The following TMEM39B variants were observed in gnomAD, a reference collection of about 807,000 sequenced individuals.
TMEM39B encodes transmembrane protein 39B.
In TMEM39B, 23 loss-of-function variants were observed where a neutral mutation model predicts 52.2. That is an observed-to-expected ratio of 0.44 (90% CI 0.32 to 0.62). The LOEUF is 0.62. Among genes scored for constraint, TMEM39B ranks in the 20% least tolerant of loss-of-function variants. TMEM39B has a pLI of 0.06. For synonymous variants in TMEM39B, 285 were observed against 264.0 expected (o/e 1.08, Z -0.77); for missense variants, 547 against 642.0 (o/e 0.85, Z 1.60).
Position 32,102,448 on chromosome 1 carries a change from C to G in TMEM39B, c.1254C>G (p.Pro418=), listed in dbSNP as rs1355787626. ...HFRFHFFFSK[P]LRILNILLLL... Reference sequence around the variant, plus strand: ...CCGGGCAGTTCTTTTTCAGCAAACCCCTGCGGATCCTCAACATCCTCCTGC... The same window carrying G: ...CCGGGCAGTTCTTTTTCAGCAAACCGCTGCGGATCCTCAACATCCTCCTGC... The change falls in exon 9 of 9, where the codon CCC becomes CCG. Residue 418 remains proline (P), a synonymous_variant. Coordinates refer to ENST00000336294, the MANE Select transcript of TMEM39B (RefSeq NM_018056.4). 1 of 1,613,904 alleles carries G rather than the reference C, an allele frequency of 6.2e-7. No individual in the cohort carries two copies. Among genetic ancestry groups the G allele is most frequent in the Non-Finnish European group, 8.5e-7 (1 of 1,179,892 alleles).
intron 6 of TMEM39B, among the ~76,000 whole-genome samples, chr1:32,094,518 C>A (rs1330628750): frequency 2.6e-5 from 4 of 152,094 alleles, no homozygotes; most frequent in African/African-American, 9.7e-5. Context: ...AGCAAAAGAG[C>A]CCAGATTTGA....
rs1423481352 is a variant in TMEM39B, at chr1:32,075,633, T to C, written c.162T>C (p.Pro54=). 12 of 1,551,456 alleles carry C rather than the reference T, an allele frequency of 7.7e-6. No individual in the cohort carries two copies. The highest frequency in any genetic ancestry group is 1.4e-5 in the African/African-American group (1 of 73,034). The stretch of plus-strand genomic sequence containing the variant: ...GTTCTGGAACAGGCCTCTCCAGCCC[T>C]CCTCTGGCCACCCAAACTGTTGTGC... ...RSSSGTGLSS[P]PLATQTVVPL... is the part of the protein sequence containing the mutation. The change falls in exon 3 of 9, where the codon CCT becomes CCC. Residue 54 remains proline (P), a synonymous_variant. Transcript: ENST00000336294.
rs1260453801 is a variant in TMEM39B at position 32,100,573 on chromosome 1, T to TC, written c.1236+15dup. 1.9e-6 allele frequency: 3 copies of TC among 1,613,820 alleles called. No individual in the cohort carries two copies. In the Admixed American group the frequency reaches 5.0e-5, roughly 27 times the overall value. ...CACTTCCGCTTCCATGTGAGTCTCC[T>TC]CCCCGGGGAAGGAGGGTTGGGGCCT... On this transcript the variant is annotated intron_variant, in intron 8 of 8. Transcript: ENST00000336294.
At chr1:32,078,855 G>A (rs1028089262) in intron 5 of TMEM39B, among the ~76,000 whole-genome samples, 8 of 152,058 alleles carry the variant, frequency 5.3e-5, no homozygotes, top group African/African-American at 1.9e-4. Context: ...TGGCCAGGCT[G>A]GTCTCGAACT....
At chr1:32,074,494 G>A (rs961089094) in intron 1 of TMEM39B, among the ~76,000 whole-genome samples, 1 of 152,054 alleles carries the variant, frequency 6.6e-6, no homozygotes, top group Non-Finnish European at 1.5e-5. Context: ...AAAAAGATAA[G>A]GTAACTGACC....
In TMEM39B at chr1:32,076,827, T is replaced by G; in HGVS notation, c.416T>G (p.Ile139Ser). Residue 139 changes from isoleucine to serine, a missense_variant, in exon 4 of 9, where the codon ATT becomes AGT. By Grantham distance (142) the Ile-to-Ser change is moderately radical (BLOSUM62 -2). Transcript: ENST00000336294. ...ACCATCGTTCTGGGCCGCCGCTTCA[T>G]TGGGTCCATCGTGAAGGAGGTGATT... is the stretch of plus-strand genomic sequence containing the variant. Reference protein sequence around the residue: ...VTTIVLGRRFIGSIVKEASQR... With the variant: ...VTTIVLGRRFSGSIVKEASQR... 1 of 1,614,058 alleles carries G rather than the reference T, an allele frequency of 6.2e-7. No individual in the cohort carries two copies. Among genetic ancestry groups the G allele is most frequent in the Non-Finnish European group, 8.5e-7 (1 of 1,179,992 alleles).
In TMEM39B at chr1:32,088,271, G is replaced by C. The variant is rs1025233311; in HGVS notation, c.591-3404G>C. Reference sequence around the variant, plus strand: ...CTCTACCAAAAATACAAAAAAATTAGTCGGGTATAGTGGCGGGCGCCTGTA... The same window carrying C: ...CTCTACCAAAAATACAAAAAAATTACTCGGGTATAGTGGCGGGCGCCTGTA... On this transcript the variant is annotated intron_variant, in intron 5 of 8. Coordinates refer to ENST00000336294, the MANE Select transcript of TMEM39B (RefSeq NM_018056.4). Among the ~76,000 whole-genome samples the C allele has an allele frequency of 3.6e-5, 5 of 138,884 alleles. No individual in the cohort carries two copies. In the East Asian group the frequency reaches 1.1e-3, roughly 31 times the overall value. The allele number at this position is 138,884 out of a possible 152,430, so 91.1% of individuals were successfully genotyped here.
At chr1:32,073,299 A>C in intron 1 of TMEM39B, 2 of 470,062 alleles carry the variant, frequency 4.3e-6, no homozygotes, top group South Asian at 5.4e-5. Context: ...TTTCGTGAGG[A>C]CCAGCTCGTC....
At position 32,073,016 on chromosome 1, in the gene TMEM39B, G is replaced by A. The variant is rs1044060486; in HGVS notation, c.-32G>A. 21 of 1,531,914 alleles carry A rather than the reference G, an allele frequency of 1.4e-5. No homozygotes were observed. The highest frequency in any genetic ancestry group is 8.1e-5 in the Admixed American group (4 of 49,172). 94.9% of individuals were successfully genotyped at this position (1,531,914 alleles called of 1,614,324 possible). A position where few individuals can be genotyped will look rare whatever the true frequency, so the allele number is the denominator to read the frequency against. On this transcript the variant is annotated 5_prime_UTR_variant, in exon 1 of 9. Transcript: ENST00000336294. The stretch of plus-strand genomic sequence containing the variant: ...CCGACATATTGCCCGCAGGAGCTGC[G>A]GCGGCGAAGCGGAGAGCACCGGGGG...
intron 5 of TMEM39B, among the ~76,000 whole-genome samples, chr1:32,086,227 A>G (rs1006797054): frequency 2.0e-5 from 3 of 152,262 alleles, no homozygotes; most frequent in African/African-American, 7.2e-5. Context: ...ATTTATTCAT[A>G]CCTGCTCCCC....
chr1:32,090,397 C>G (rs772116757), intron 5 of TMEM39B, among the ~76,000 whole-genome samples: 1 of 152,086 alleles, frequency 6.6e-6, no homozygotes, highest in Non-Finnish European at 1.5e-5. Flanking sequence ...CCTCTGCAAA[C>G]TAAAGAGCTG....
intron 5 of TMEM39B, among the ~76,000 whole-genome samples, chr1:32,088,091 A>G (rs979378528): frequency 3.1e-5 from 4 of 128,262 alleles, no homozygotes; most frequent in African/African-American, 1.2e-4. Context: ...TCGCCACTGT[A>G]CTCCAGCCTG....
rs181500424 is a variant in TMEM39B, at chr1:32,082,823, G to A, written c.590+5505G>A. Among the ~76,000 whole-genome samples, 202 of 151,540 alleles carry A rather than the reference G, an allele frequency of 1.3e-3. 2 individuals are homozygous for A. Among genetic ancestry groups the A allele is most frequent in the African/African-American group, 4.8e-3 (197 of 41,268 alleles). ...GGAGTCTCGCTCTGTCGCCCAGGCT[G>A]TAGTGCAGTGGCACGATCTCAACTC... On this transcript the variant is annotated intron_variant, in intron 5 of 8. Coordinates refer to ENST00000336294, the MANE Select transcript of TMEM39B (RefSeq NM_018056.4).
At chr1:32,088,511 A>G (rs1022432228) in intron 5 of TMEM39B, among the ~76,000 whole-genome samples, 2 of 151,204 alleles carry the variant, frequency 1.3e-5, no homozygotes, top group Admixed American at 6.6e-5. Context: ...TCATGTCTCC[A>G]TCTGCTTTCT....
chr1:32,102,342 G>A, intron 8 of TMEM39B, 89 bp from the exon 9 acceptor site: 1 of 1,541,754 alleles, frequency 6.5e-7, no homozygotes, highest in Non-Finnish European at 8.8e-7. Flanking sequence ...CCAGGAGGCT[G>A]TCCCCTTCAC....
chr1:32,072,870 T>C, upstream of TMEM39B: 2 of 798,614 alleles, frequency 2.5e-6, no homozygotes, highest in Non-Finnish European at 3.7e-6. Context: ...GCGGCCCCTT[T>C]AAGAAGCGCG....
At chr1:32,082,798 G>A (rs1282434057) in intron 5 of TMEM39B, among the ~76,000 whole-genome samples, 2 of 150,350 alleles carry the variant, frequency 1.3e-5, no homozygotes, top group South Asian at 2.1e-4. Flanking sequence ...TTTTTGAGAC[G>A]GAGTCTCGCT....
intron 5 of TMEM39B, among the ~76,000 whole-genome samples, chr1:32,081,021 C>A (rs1055185956): frequency 2.0e-5 from 3 of 151,874 alleles, no homozygotes; most frequent in Non-Finnish European, 4.4e-5. Flanking sequence ...CAGAGTGAGA[C>A]CCTGTCTCTA....
intron 5 of TMEM39B, 32 bp downstream of exon 5, chr1:32,077,350 C>G: frequency 6.2e-7 from 1 of 1,612,952 alleles, no homozygotes; most frequent in Non-Finnish European, 8.5e-7. Flanking sequence ...CCTCACTGCC[C>G]AGCACCTGGC....
Sources: gnomAD v4.1 joint callset for allele counts (sites outside exome capture counted in the v4.1 genomes callset) on GRCh38, gnomAD v4.1.1 for gene constraint, MANE v1.5 for transcripts, NCBI Gene and HGNC (gene_info 2026-07-23, HGNC 2026-07-21) for gene names.